Variants in ZFP64 observed in about 807,000 individuals in gnomAD.
The protein encoded by ZFP64 is ZFP64 zinc finger protein.
In ZFP64, 14 loss-of-function variants were observed where a neutral mutation model predicts 51.6. That is an observed-to-expected ratio of 0.27 (90% CI 0.18 to 0.42). ZFP64 has a LOEUF of 0.42. Ranked by LOEUF, ZFP64 falls within the 10% of genes least tolerant of loss-of-function variation. ZFP64 has a pLI of 1.00. For synonymous variants in ZFP64, 375 were observed against 361.4 expected, an observed-to-expected ratio of 1.04 and a Z score of -0.43; for missense variants, 754 against 906.8, an observed-to-expected ratio of 0.83 and a Z score of 2.16.
At chr20:52,158,374 C>T (rs879689763) in intron 5 of ZFP64, among the ~76,000 whole-genome samples, 11 of 152,090 alleles carry the variant, frequency 7.2e-5, no homozygotes, top group African/African-American at 2.4e-4. Context: ...ATGTGAATGA[C>T]GGTGGGGATA....
intron 4 of ZFP64, among the ~76,000 whole-genome samples, chr20:52,163,482 T>G (rs1206120393): frequency 6.6e-6 from 1 of 152,262 alleles, no homozygotes; most frequent in African/African-American, 2.4e-5. Context: ...GTTTAATTGC[T>G]TATTACACTA....
chr20:52,163,399 A>G (rs956963802), intron 4 of ZFP64, among the ~76,000 whole-genome samples: 1 of 152,218 alleles, frequency 6.6e-6, no homozygotes, highest in African/African-American at 2.4e-5. Flanking sequence ...AAATTATAGT[A>G]CTTTATTCTT....
chr20:52,130,668 G>A lies in ZFP64; in HGVS notation c.763+29455C>T, dbSNP rs1267936971. Reference sequence around the variant, plus strand: ...GGAAACATTTATCAAACTTCTTAGGGCTGATGGCCATGTGACACCAGGCAG... The same window carrying A: ...GGAAACATTTATCAAACTTCTTAGGACTGATGGCCATGTGACACCAGGCAG... On this transcript the variant is annotated intron_variant, in intron 5 of 8. Transcript: ENST00000361387. 3.9e-5 allele frequency among the ~76,000 whole-genome samples: 6 copies of A among 152,160 alleles called. No homozygotes were observed. In the East Asian group the frequency reaches 1.2e-3, roughly 29 times the overall value.
At chr20:52,136,963 C>T (rs1336847304) in intron 5 of ZFP64, among the ~76,000 whole-genome samples, 2 of 152,082 alleles carry the variant, frequency 1.3e-5, no homozygotes, top group East Asian at 3.9e-4. Context: ...TGGGGTTTTG[C>T]CATGTTGGCC....
intron 5 of ZFP64, among the ~76,000 whole-genome samples, chr20:52,109,174 G>A (rs564242488): frequency 9.2e-5 from 14 of 151,476 alleles, no homozygotes; most frequent in East Asian, 3.9e-4. Flanking sequence ...TCTTTGAGAC[G>A]GAGTCTCACT....
At chr20:52,128,256 T>C (rs1260306230) in intron 5 of ZFP64, among the ~76,000 whole-genome samples, 1 of 152,142 alleles carries the variant, frequency 6.6e-6, no homozygotes, top group Admixed American at 6.5e-5. Flanking sequence ...CTGGGCAACA[T>C]AGCAAGACTC....
exon 9 of ZFP64, chr20:52,084,260 A>G (rs1291444553): frequency 9.2e-5 from 34 of 369,084 alleles, no homozygotes; most frequent in Non-Finnish European, 6.3e-5. Flanking sequence ...TCCGTTACGT[A>G]GAAGCTATCC....
intron 2 of ZFP64, among the ~76,000 whole-genome samples, chr20:52,181,895 G>A (rs1352577052): frequency 6.6e-6 from 1 of 152,136 alleles, no homozygotes; most frequent in African/African-American, 2.4e-5. Context: ...AATCTAATAA[G>A]TGTAAAAAAG....
chr20:52,171,521 G>A lies in ZFP64; in HGVS notation c.287-5496C>T, dbSNP rs188217183. On this transcript the variant is annotated intron_variant, in intron 2 of 5. Coordinates refer to ENST00000216923, the MANE Select transcript of ZFP64 (RefSeq NM_018197.3). Reference sequence around the variant, plus strand: ...TCATTTTTTTTTTAGATGGAGTCTCGCTCTGTTGCCCAGGCTGGAGTGCAA... The same window carrying A: ...TCATTTTTTTTTTAGATGGAGTCTCACTCTGTTGCCCAGGCTGGAGTGCAA... 6.0e-3 allele frequency among the ~76,000 whole-genome samples: 919 copies of A among 152,004 alleles called. 7 individuals carry two copies. Among genetic ancestry groups the A allele is most frequent in the Non-Finnish European group, 9.4e-3 (640 of 67,962 alleles).
chr20:52,166,664 C>G (rs367912419), intron 2 of ZFP64, among the ~76,000 whole-genome samples: 1 of 152,022 alleles, frequency 6.6e-6, no homozygotes, highest in Non-Finnish European at 1.5e-5. Flanking sequence ...CCATGCTGCG[C>G]GGGCTGGTCT....
chr20:52,145,436 T>C (rs544042508), intron 5 of ZFP64, among the ~76,000 whole-genome samples: 1 of 152,252 alleles, frequency 6.6e-6, no homozygotes, highest in Admixed American at 6.5e-5. Flanking sequence ...GTGGATCACT[T>C]GAGCCCAGGA....
chr20:52,183,901 A>G (rs1024293875), intron 2 of ZFP64, among the ~76,000 whole-genome samples: 1 of 152,166 alleles, frequency 6.6e-6, no homozygotes, highest in African/African-American at 2.4e-5. Flanking sequence ...TCTGTTGCCC[A>G]GTGGGGAGTG....
chr20:52,094,985 T>C (rs1005000959), intron 7 of ZFP64, among the ~76,000 whole-genome samples: 2 of 152,170 alleles, frequency 1.3e-5, no homozygotes, highest in Non-Finnish European at 2.9e-5. Flanking sequence ...TGACTGCTAC[T>C]CTTCAATTTG....
At chr20:52,122,222 T>C (rs1979221438) in intron 5 of ZFP64, among the ~76,000 whole-genome samples, 1 of 152,160 alleles carries the variant, frequency 6.6e-6, no homozygotes, top group African/African-American at 2.4e-5. Flanking sequence ...AGTCTTATTA[T>C]TTAAGAAATA....
chr20:52,137,722 T>A (rs1267115578), intron 5 of ZFP64, among the ~76,000 whole-genome samples: 2 of 152,138 alleles, frequency 1.3e-5, no homozygotes, highest in Non-Finnish European at 2.9e-5. Flanking sequence ...TTATAAGTCA[T>A]CTCAGCAAAA....
chr20:52,084,352 A>G, exon 9 of ZFP64: 1 of 573,464 alleles, frequency 1.7e-6, no homozygotes, highest in Admixed American at 3.1e-5. Context: ...GAGGGAAGAG[A>G]CAAATGCGAG....
chr20:52,119,557 T>TAC (rs1568663698), intron 5 of ZFP64, among the ~76,000 whole-genome samples: 20 of 83,150 alleles, frequency 2.4e-4, no homozygotes, highest in African/African-American at 9.5e-4. Flanking sequence ...TATATATACA[T>TAC]ATATATATAT....
intron 7 of ZFP64, among the ~76,000 whole-genome samples, chr20:52,093,022 T>C (rs908912592): frequency 6.6e-6 from 1 of 152,170 alleles, no homozygotes; most frequent in Non-Finnish European, 1.5e-5. Context: ...CATGACGTAC[T>C]CCGGCTAATG....
Position 52,152,597 on chromosome 20 carries a change from T to A in ZFP64, c.1595A>T (p.Glu532Val). ...VPPALVAQNP[E>V]ELPGNSRLQI... ...CAGCCGGCTGTTCCCTGGGAGTTCCTCTGGGTTCTGGGCCACCAAGGCAGG... is the reference window on the plus strand; with the variant it reads ...CAGCCGGCTGTTCCCTGGGAGTTCCACTGGGTTCTGGGCCACCAAGGCAGG... Residue 532 changes from glutamate (E) to valine (V), a missense_variant, in exon 6 of 6, where the codon GAG becomes GTG. Glu to Val is a moderately radical substitution (Grantham distance 121). Around this residue, in one of 3 missense-constraint regions of ZFP64, gnomAD observed 428 missense variants for 472.4 expected, o/e 0.91. Coordinates refer to ENST00000216923, the MANE Select transcript of ZFP64 (RefSeq NM_018197.3). 1.9e-6 allele frequency: 3 copies of A among 1,545,332 alleles called. No individual in the cohort carries two copies. Among genetic ancestry groups the A allele is most frequent in the Non-Finnish European group, 2.6e-6 (3 of 1,150,088 alleles).
Sources: allele counts gnomAD v4.1 joint callset (sites outside exome capture counted in the v4.1 genomes callset), GRCh38; gene constraint gnomAD v4.1.1; regional missense constraint gnomAD v4.1.1; transcripts MANE v1.5; gene names NCBI Gene and HGNC (gene_info 2026-07-23, HGNC 2026-07-21).